The following SLC6A8 variants were observed in gnomAD, a reference collection of about 807,000 sequenced individuals.
The protein encoded by SLC6A8 is solute carrier family 6 member 8, also known as sodium- and chloride-dependent creatine transporter 1.
A neutral mutation model predicts 48.3 loss-of-function variants in SLC6A8; 6 were observed. That is an observed-to-expected ratio of 0.12 (90% CI 0.07 to 0.25). The LOEUF (loss-of-function observed/expected upper bound fraction) is 0.25, where lower values mean the gene tolerates loss of function less well. Among genes scored for constraint, SLC6A8 ranks in the 10% least tolerant of loss-of-function variants. The pLI is 1.00. For missense variants in SLC6A8, 260 were observed against 551.5 expected (o/e 0.47, Z 5.29); for synonymous variants, 245 against 244.0 (o/e 1.00, Z -0.04).
In SLC6A8 at chrX:153,691,293, C is replaced by T; in HGVS notation, c.395-11C>T. The T allele has an allele frequency of 8.4e-7, 1 of 1,186,791 alleles. No homozygotes were observed. The highest frequency in any genetic ancestry group is 3.1e-5 in the East Asian group (1 of 32,272). On this transcript the variant is annotated splice_polypyrimidine_tract_variant and intron_variant, in intron 2 of 12. Transcript: ENST00000253122. ...GGAAGAATCTACATGGCAAGGACTT[C>T]CCGGCCCCAGGCCTGGGCTACGCCT...
Position 153,694,157 on chromosome X carries a change from G to A in SLC6A8, c.1282G>A (p.Gly428Ser), listed in dbSNP as rs2060322395. The A allele has an allele frequency of 2.5e-6, 3 of 1,210,693 alleles. No individual in the cohort carries two copies. Among genetic ancestry groups the A allele is most frequent in the Non-Finnish European group, 3.4e-6 (3 of 894,653 alleles). The change falls in exon 9 of 13, where the codon GGC becomes AGC. Residue 428 changes from glycine to serine, a missense_variant. Physicochemically the swap from Gly to Ser is moderately conservative, Grantham distance 56. Around this residue, in one of 7 missense-constraint regions of SLC6A8, gnomAD observed 75 missense variants for 248.8 expected, o/e 0.30. Coordinates refer to ENST00000253122, the MANE Select transcript of SLC6A8 (RefSeq NM_005629.4). Reference protein sequence around the residue: ...QFVGVEGFITGLLDLLPASYY... With the variant: ...QFVGVEGFITSLLDLLPASYY... ...TGTAGGTGTGGAGGGCTTCATCACC[G>A]GCCTCCTCGACCTCCTCCCGGCCTC...
At chrX:153,688,888 CG>C (rs2091438604) in intron 1 of SLC6A8, 52 bp downstream of exon 1, 2 of 842,443 alleles carry the variant, frequency 2.4e-6, no homozygotes, top group African/African-American at 4.3e-5. Context: ...CGCCGGCCCC[CG>C]CCCGACCCCC....
In SLC6A8 at chrX:153,693,516, C is replaced by T. The variant is rs782782179; in HGVS notation, c.1071C>T (p.Phe357=). 12 of 1,210,434 alleles carry T rather than the reference C, an allele frequency of 9.9e-6. No individual in the cohort carries two copies. The East Asian group carries it at 1.2e-4, about 12-fold the overall frequency. The change falls in exon 7 of 13, where the codon TTC becomes TTT. Residue 357 remains phenylalanine (F), a synonymous_variant. Transcript: ENST00000253122. ...INSGTSFFAG[F]VVFSILGFMA... ...GTGGGACCAGCTTCTTTGCTGGCTTCGTGGTCTTCTCCATCCTGGGCTTCA... is the reference window on the plus strand; with the variant it reads ...GTGGGACCAGCTTCTTTGCTGGCTTTGTGGTCTTCTCCATCCTGGGCTTCA...
chrX:153,691,683 C>T, intron 3 of SLC6A8, 130 bp downstream of exon 3: 2 of 866,297 alleles, frequency 2.3e-6, no homozygotes, highest in Non-Finnish European at 3.4e-6. Flanking sequence ...CCCTGCCTGC[C>T]CTTGCCTGTC....
At chrX:153,689,083 A>C in intron 1 of SLC6A8, 1 of 120,075 alleles carries the variant, frequency 8.3e-6, no homozygotes, top group Non-Finnish European at 1.7e-5. Flanking sequence ...TGCCCCCCAG[A>C]CTCCCGGGCT....
Position 153,688,031 on chromosome X carries a change from A to AGCCGCCGCCGCC in SLC6A8, c.-537_-526dup, listed in dbSNP as rs1165430998. 3.0e-5 allele frequency: 3 copies of AGCCGCCGCCGCC among 101,052 alleles called. No individual in the cohort carries two copies. Among genetic ancestry groups the AGCCGCCGCCGCC allele is most frequent in the Non-Finnish European group, 6.0e-5 (3 of 49,797 alleles). The allele number at this position is 101,052 out of a possible 1,213,427, so 8.3% of individuals were successfully genotyped here. A position where few individuals can be genotyped will look rare whatever the true frequency, so the allele number is the denominator to read the frequency against. On this transcript the variant is annotated 5_prime_UTR_variant, in exon 1 of 13. Coordinates refer to ENST00000253122, the MANE Select transcript of SLC6A8 (RefSeq NM_005629.4). ...GGAAGGAGAGGGCGAGGCGCGCCCG[A>AGCCGCCGCCGCC]GCCGCCGCCGCCGCCGCCACCGCCG...
intron 2 of SLC6A8, 183 bp downstream of exon 2, chrX:153,690,689 G>T: frequency 2.0e-6 from 1 of 498,990 alleles, no homozygotes; most frequent in South Asian, 3.0e-5. Context: ...GGACTAGAGG[G>T]GGCATAGGCA....
Position 153,688,759 on chromosome X carries a change from T to C in SLC6A8, c.185T>C (p.Ile62Thr). The C allele has an allele frequency of 8.8e-7, 1 of 1,138,625 alleles. No homozygotes were observed. Among genetic ancestry groups the C allele is most frequent in the South Asian group, 1.9e-5 (1 of 51,339 alleles). The allele number at this position is 1,138,625 out of a possible 1,213,427, so 93.8% of individuals were successfully genotyped here. The change falls in exon 1 of 13, where the codon ATC becomes ACC. Residue 62 changes from isoleucine (I) to threonine (T), a missense_variant. Physicochemically the swap from Ile to Thr is moderately conservative, Grantham distance 89. Coordinates refer to ENST00000253122, the MANE Select transcript of SLC6A8 (RefSeq NM_005629.4). ...RETWTRQMDFIMSCVGFAVGL... is the reference protein window; with the variant it reads ...RETWTRQMDFTMSCVGFAVGL... Reference sequence around the variant, plus strand: ...ACCTGGACGCGCCAGATGGACTTCATCATGTCGTGCGTGGGCTTCGCCGTG... The same window carrying C: ...ACCTGGACGCGCCAGATGGACTTCACCATGTCGTGCGTGGGCTTCGCCGTG...
In SLC6A8 at chrX:153,695,475, C is replaced by T. The variant is rs1302487428; in HGVS notation, c.*261C>T. ...GCTGGTCCTAGGCCCCGCCTAGTGCCCCACCCCCACCCACAGTGCTGCACT... is the reference window on the plus strand; with the variant it reads ...GCTGGTCCTAGGCCCCGCCTAGTGCTCCACCCCCACCCACAGTGCTGCACT... On this transcript the variant is annotated 3_prime_UTR_variant, in exon 13 of 13. Transcript: ENST00000253122. 1 of 393,009 alleles carries T rather than the reference C, an allele frequency of 2.5e-6. No individual in the cohort carries two copies. The highest frequency in any genetic ancestry group is 4.4e-5 in the East Asian group (1 of 22,620). 32.4% of individuals were successfully genotyped at this position (393,009 alleles called of 1,213,427 possible).
At chrX:153,693,413 G>A (rs371828749) in intron 6 of SLC6A8, 47 bp downstream of exon 6, 7 of 1,207,923 alleles carry the variant, frequency 5.8e-6, no homozygotes, top group African/African-American at 3.5e-5. Flanking sequence ...GCCCTGCCCC[G>A]CCCTGCCCAG....
chrX:153,690,982 G>A lies in SLC6A8; in HGVS notation c.395-322G>A, dbSNP rs192775323. The stretch of plus-strand genomic sequence containing the variant: ...GCAGAGGCTTGGACCTCCTGGAACC[G>A]CCATGGTGGCAGTGGGACCCACAGA... On this transcript the variant is annotated intron_variant, in intron 2 of 12. Transcript: ENST00000253122. The A allele has an allele frequency of 3.6e-4, 95 of 262,763 alleles. No homozygotes were observed. The East Asian group carries it at 8.5e-3, about 24-fold the overall frequency. 21.7% of individuals were successfully genotyped at this position (262,763 alleles called of 1,213,427 possible). A position where few individuals can be genotyped will look rare whatever the true frequency, so the allele number is the denominator to read the frequency against.
intron 1 of SLC6A8, 155 bp downstream of exon 1, chrX:153,688,991 TGGCCG>T: frequency 1.2e-5 from 2 of 165,262 alleles, no homozygotes; most frequent in Middle Eastern, 2.3e-3. Context: ...TGCCGCTCGG[TGGCCG>T]GGCCGGGCGC....
intron 1 of SLC6A8, 105 bp from the exon 2 acceptor site, chrX:153,690,270 C>T: frequency 1.1e-6 from 1 of 900,639 alleles, no homozygotes; most frequent in Non-Finnish European, 1.6e-6. Flanking sequence ...ACTGACTCAC[C>T]CAGTCGGAAG....
At chrX:153,689,163 C>T (rs1557043941) in intron 1 of SLC6A8, among the ~76,000 whole-genome samples, 1 of 112,389 alleles carries the variant, frequency 8.9e-6, no homozygotes, top group African/African-American at 3.2e-5. Context: ...GGTAAGGAGC[C>T]CTGGCTGCCC....
chrX:153,696,305 G>T lies in SLC6A8; in HGVS notation c.*1091G>T, dbSNP rs2091491703. ...CTGGCCTGCTCAGGCTTCCCACCCT[G>T]TGCGGGGCACACCCCCAGGAAGGGA... On this transcript the variant is annotated 3_prime_UTR_variant, in exon 13 of 13. Transcript: ENST00000253122. 18 of 326,148 alleles carry T rather than the reference G, an allele frequency of 5.5e-5. 1 individual carries two copies. The highest frequency in any genetic ancestry group is 4.5e-4 in the South Asian group (17 of 37,574). The allele number at this position is 326,148 out of a possible 1,213,427, so 26.9% of individuals were successfully genotyped here.
At chrX:153,692,562 G>A (rs2091461968) in intron 4 of SLC6A8, 1 of 337,759 alleles carries the variant, frequency 3.0e-6, no homozygotes, top group African/African-American at 2.6e-5. Context: ...CAGCATGTGG[G>A]AAGAGGGGGC....
rs199937648 is a variant in SLC6A8 at position 153,691,442 on chromosome X, C to G, written c.533C>G (p.Thr178Ser). 5.7e-5 allele frequency: 69 copies of G among 1,211,004 alleles called. No individual in the cohort carries two copies. In the East Asian group the frequency reaches 2.0e-3, roughly 35 times the overall value. The change falls in exon 3 of 13, where the codon ACT becomes AGT. Residue 178 changes from threonine to serine, a missense_variant. Around this residue, in one of 7 missense-constraint regions of SLC6A8, gnomAD observed 75 missense variants for 248.8 expected, o/e 0.30. Coordinates refer to ENST00000253122, the MANE Select transcript of SLC6A8 (RefSeq NM_005629.4). ...PWATCGHTWN[T>S]PDCVEIFRHE... is the part of the protein sequence containing the mutation. ...GCCACATGTGGCCACACCTGGAACACTCCCGACTGCGTGGAGATCTTCCGC... is the reference window on the plus strand; with the variant it reads ...GCCACATGTGGCCACACCTGGAACAGTCCCGACTGCGTGGAGATCTTCCGC...
At chrX:153,693,644 T>C (rs1316986362) in intron 7 of SLC6A8, 58 bp downstream of exon 7, 9 of 1,142,429 alleles carry the variant, frequency 7.9e-6, no homozygotes, top group African/African-American at 5.3e-5. Context: ...AGATGCATGA[T>C]GTACAGGAAC....
At chrX:153,688,947 C>T in intron 1 of SLC6A8, 111 bp downstream of exon 1, 2 of 330,150 alleles carry the variant, frequency 6.1e-6, no homozygotes. Context: ...GGCCCCCGGG[C>T]ACGCGGGGGT....
Sources: gnomAD v4.1 joint callset for allele counts (sites outside exome capture counted in the v4.1 genomes callset) on GRCh38, gnomAD v4.1.1 for gene constraint, gnomAD v4.1.1 regional missense constraint, MANE v1.5 for transcripts, NCBI Gene and HGNC (gene_info 2026-07-23, HGNC 2026-07-21) for gene names.